The following RIMS1 variants were observed in gnomAD, a reference collection of about 807,000 sequenced individuals.
RIMS1 encodes the protein regulating synaptic membrane exocytosis protein 1.
RIMS1 carries 83 observed loss-of-function variants against 214.1 expected under a neutral mutation model. The ratio of observed to expected loss-of-function variants is 0.39; its 90% CI spans 0.32 to 0.47. The LOEUF (loss-of-function observed/expected upper bound fraction) is 0.47, where lower values mean the gene tolerates loss of function less well. Among genes scored for constraint, RIMS1 ranks in the 20% least tolerant of loss-of-function variants. RIMS1 has a pLI of 0.99. For synonymous variants in RIMS1, 793 were observed against 786.8 expected (o/e 1.01, Z -0.13); for missense variants, 2,050 against 2,161.8 (o/e 0.95, Z 1.03).
chr6:72,317,874 A>G lies in RIMS1; in HGVS notation c.4130+4202A>G, dbSNP rs181624202. On this transcript the variant is annotated intron_variant, in intron 28 of 33. Transcript: ENST00000521978. ...ATGAAGAGGATTTGTCAACTTCTTT[A>G]TTATTCTGTCCATTTTTTCTTATAT... 4.1e-4 allele frequency among the ~76,000 whole-genome samples: 62 copies of G among 152,242 alleles called. 2 individuals are homozygous for G. Among genetic ancestry groups the G allele is most frequent in the Admixed American group, 3.5e-3 (54 of 15,304 alleles).
chr6:72,062,841 C>T (rs181443709), intron 2 of RIMS1, among the ~76,000 whole-genome samples: 10 of 152,154 alleles, frequency 6.6e-5, no homozygotes, highest in East Asian at 1.9e-4. Flanking sequence ...TCACTACAAC[C>T]GCCATCTTCA....
At chr6:72,259,399 G>A (rs958251269) in intron 18 of RIMS1, among the ~76,000 whole-genome samples, 6 of 152,074 alleles carry the variant, frequency 3.9e-5, no homozygotes, top group African/African-American at 1.4e-4. Context: ...AATTATAGAA[G>A]GGAGTCTGCA....
chr6:72,259,346 G>A (rs1006597049), intron 18 of RIMS1, among the ~76,000 whole-genome samples: 1 of 152,006 alleles, frequency 6.6e-6, no homozygotes, highest in African/African-American at 2.4e-5. Context: ...TTTATGCTTA[G>A]ACAGCTTTAA....
intron 26 of RIMS1, among the ~76,000 whole-genome samples, 179 bp from the exon 27 acceptor site, chr6:72,307,079 C>T (rs571185534): frequency 1.3e-5 from 2 of 152,230 alleles, no homozygotes; most frequent in Admixed American, 1.3e-4. Flanking sequence ...TCATGTTCAT[C>T]TTTAGATTAA....
At chr6:72,290,894 T>C (rs2093290864) in intron 25 of RIMS1, 33 bp downstream of exon 25, 1 of 1,603,144 alleles carries the variant, frequency 6.2e-7, no homozygotes, top group South Asian at 1.1e-5. Context: ...AGCATTCATG[T>C]CCTGCCTCCG....
chr6:72,306,781 C>A (rs142688735), intron 26 of RIMS1, among the ~76,000 whole-genome samples: 1 of 152,226 alleles, frequency 6.6e-6, no homozygotes, highest in African/African-American at 2.4e-5. Context: ...AAAGTAGATA[C>A]TTATTAATTA....
intron 1 of RIMS1, among the ~76,000 whole-genome samples, chr6:71,939,741 T>C (rs757079255): frequency 9.2e-5 from 14 of 152,216 alleles, no homozygotes; most frequent in Non-Finnish European, 2.1e-4. Context: ...AGAGCTTTCA[T>C]GACCTAATAA....
chr6:72,073,073 C>T (rs184680582), intron 2 of RIMS1, among the ~76,000 whole-genome samples: 5 of 152,106 alleles, frequency 3.3e-5, no homozygotes, highest in South Asian at 2.1e-4. Flanking sequence ...AAGGGTATTT[C>T]GAGCCCTGAC....
At chr6:71,906,320 T>G (rs1775231970) in intron 1 of RIMS1, among the ~76,000 whole-genome samples, 1 of 152,166 alleles carries the variant, frequency 6.6e-6, no homozygotes, top group Admixed American at 6.5e-5. Context: ...TATGTTTGTT[T>G]TATAGCACAG....
chr6:72,148,570 C>G (rs751732469), intron 4 of RIMS1: 5 of 456,684 alleles, frequency 1.1e-5, no homozygotes, highest in South Asian at 7.7e-5. Flanking sequence ...CCTTGAGTTC[C>G]CTATACCTCA....
rs75952635 is a variant in RIMS1 at position 72,079,637 on chromosome 6, A to G, written c.246-17312A>G. Among the ~76,000 whole-genome samples the G allele has an allele frequency of 2.8e-3, 428 of 152,230 alleles. 20 individuals are homozygous for G. In the East Asian group the frequency reaches 0.073, roughly 26 times the overall value. On this transcript the variant is annotated intron_variant, in intron 2 of 33. Transcript: ENST00000521978. ...GGTGGCTCATGCCTGTAATCCCAGC[A>G]TTTTAGGAGGCCAAGGCAGGAGGAT...
chr6:72,274,987 G>A (rs1208172935), intron 23 of RIMS1, among the ~76,000 whole-genome samples: 2 of 151,040 alleles, frequency 1.3e-5, no homozygotes, highest in African/African-American at 4.9e-5. Context: ...CAGTCCCCAA[G>A]GTAGGTTTTT....
chr6:72,014,240 AACTC>A (rs1219870525), intron 2 of RIMS1, among the ~76,000 whole-genome samples: 2 of 152,180 alleles, frequency 1.3e-5, no homozygotes, highest in East Asian at 3.9e-4. Flanking sequence ...ATCTTGTGAG[AACTC>A]ACTCACTATT....
intron 22 of RIMS1, among the ~76,000 whole-genome samples, chr6:72,270,416 C>G (rs1314216690): frequency 2.6e-5 from 4 of 152,086 alleles, no homozygotes; most frequent in Non-Finnish European, 5.9e-5. Flanking sequence ...TCCTATTTCT[C>G]TTTTCCATCT....
At chr6:72,265,676 T>G (rs972507190) in intron 21 of RIMS1, among the ~76,000 whole-genome samples, 173 bp downstream of exon 21, 37 of 152,172 alleles carry the variant, frequency 2.4e-4, no homozygotes, top group Non-Finnish European at 1.0e-4. Flanking sequence ...TGTATCCAGT[T>G]TTTTTCATAA....
At position 72,178,592 on chromosome 6, in the gene RIMS1, A is replaced by G. The variant is rs187642258; in HGVS notation, c.472-983A>G. 2.0e-4 allele frequency among the ~76,000 whole-genome samples: 31 copies of G among 152,352 alleles called. No homozygotes were observed. The East Asian group carries it at 6.0e-3, about 29-fold the overall frequency. On this transcript the variant is annotated intron_variant, in intron 4 of 33. Transcript: ENST00000521978. Reference sequence around the variant, plus strand: ...GTAGAAACAAACACAAAACACCTGAAGTGCTTTTGGAGGCATGTAACTGAG... The same window carrying G: ...GTAGAAACAAACACAAAACACCTGAGGTGCTTTTGGAGGCATGTAACTGAG...
intron 24 of RIMS1, among the ~76,000 whole-genome samples, chr6:72,284,740 C>T (rs1196770738): frequency 6.6e-6 from 1 of 151,962 alleles, no homozygotes; most frequent in Non-Finnish European, 1.5e-5. Flanking sequence ...AACATATATT[C>T]ATTCACCCAT....
chr6:72,037,243 G>A (rs918670418), intron 2 of RIMS1, among the ~76,000 whole-genome samples: 1 of 151,934 alleles, frequency 6.6e-6, no homozygotes, highest in Non-Finnish European at 1.5e-5. Context: ...AGGTGGCACT[G>A]GGAGAAGGAA....
chr6:72,299,543 G>A (rs1453080598), intron 26 of RIMS1, among the ~76,000 whole-genome samples: 3 of 151,568 alleles, frequency 2.0e-5, no homozygotes, highest in Non-Finnish European at 4.4e-5. Context: ...TAAGTACCAG[G>A]TTTCTTTAAT....
Sources: gnomAD v4.1 joint callset for allele counts (sites outside exome capture counted in the v4.1 genomes callset) on GRCh38, gnomAD v4.1.1 for gene constraint, MANE v1.5 for transcripts, NCBI Gene and HGNC (gene_info 2026-07-23, HGNC 2026-07-21) for gene names.